KATNIP: variants seen among roughly 807,000 people sequenced by gnomAD.
KATNIP encodes katanin interacting protein, also known as katanin-interacting protein.
Under a neutral mutation model 174.0 loss-of-function variants are expected in KATNIP, and 126 were observed. The ratio of observed to expected loss-of-function variants is 0.72; its 90% CI spans 0.63 to 0.84. The LOEUF (loss-of-function observed/expected upper bound fraction) is 0.84. KATNIP is among the 40% of genes least tolerant of loss of function. The probability of loss-of-function intolerance (pLI) is 0.00; values close to 1 mark genes in which losing one functional copy is unlikely to be tolerated. For missense variants in KATNIP, 1,958 were observed against 2,109.7 expected (o/e 0.93, Z 1.41); for synonymous variants, 810 against 835.7 (o/e 0.97, Z 0.53).
intron 3 of KATNIP, 50 bp downstream of exon 3, chr16:27,618,551 C>A: frequency 1.5e-6 from 2 of 1,356,900 alleles, no homozygotes; most frequent in South Asian, 2.3e-5. Flanking sequence ...AAGTAAAAAT[C>A]TATTTAGATT....
intron 3 of KATNIP, among the ~76,000 whole-genome samples, chr16:27,620,452 C>T (rs994148847): frequency 2.6e-5 from 4 of 152,114 alleles, no homozygotes; most frequent in Middle Eastern, 3.2e-3. Flanking sequence ...GTGGAGGCTC[C>T]GAGCAGTGAG....
intron 2 of KATNIP, among the ~76,000 whole-genome samples, chr16:27,616,032 G>T (rs886793306): frequency 2.6e-5 from 4 of 152,126 alleles, no homozygotes; most frequent in Non-Finnish European, 5.9e-5. Flanking sequence ...CCAGTACCAA[G>T]CTGATATTGT....
intron 6 of KATNIP, among the ~76,000 whole-genome samples, chr16:27,653,089 A>G (rs569141564): frequency 6.6e-6 from 1 of 152,170 alleles, no homozygotes; most frequent in Non-Finnish European, 1.5e-5. Flanking sequence ...TTGTGAGTAG[A>G]TGGGTAGATA....
rs150515359 is a variant in KATNIP, at chr16:27,778,615, C to T, written c.4843C>T (p.Arg1615Ter). Reference protein sequence around the residue: ...KTCISEKETRRRRC With the variant: ...KTCISEKETR ...CTGCATCAGCGAGAAGGAGACGAGA[C>T]GACGGCGCTGCTGACTGGTGAAGGA... Residue 1615 changes from arginine to a stop codon, truncating the protein, a stop_gained, in exon 28 of 28, where the codon CGA (arginine) becomes TGA (stop). Transcript: ENST00000261588. LOFTEE classifies it high-confidence loss of function. The T allele has an allele frequency of 1.5e-5, 25 of 1,613,754 alleles. No homozygotes were observed. In the African/African-American group the frequency reaches 2.8e-4, roughly 18 times the overall value.
At chr16:27,571,078 G>T (rs575455461) in intron 1 of KATNIP, among the ~76,000 whole-genome samples, 1 of 152,320 alleles carries the variant, frequency 6.6e-6, no homozygotes, top group East Asian at 1.9e-4. Flanking sequence ...CTTTACCCAG[G>T]CTGGAGTCCA....
chr16:27,630,691 T>G (rs2076460102), intron 4 of KATNIP, among the ~76,000 whole-genome samples: 1 of 152,168 alleles, frequency 6.6e-6, no homozygotes. Context: ...CATTCATTCA[T>G]TCAGCAAAGA....
chr16:27,696,929 A>G (rs761455246), intron 8 of KATNIP, among the ~76,000 whole-genome samples: 1 of 152,010 alleles, frequency 6.6e-6, no homozygotes, highest in Admixed American at 6.6e-5. Context: ...GGGTTTCACC[A>G]TGTTGACCAG....
intron 13 of KATNIP, chr16:27,709,276 G>A (rs1437737016): frequency 3.1e-5 from 6 of 195,792 alleles, no homozygotes; most frequent in Admixed American, 1.1e-4. Context: ...AGCTGTGACT[G>A]TACCACTGTA....
At chr16:27,689,703 C>G (rs567381341) in intron 8 of KATNIP, among the ~76,000 whole-genome samples, 1 of 152,330 alleles carries the variant, frequency 6.6e-6, no homozygotes, top group African/African-American at 2.4e-5. Flanking sequence ...CCTGACAACC[C>G]ACCCCAAAAT....
Position 27,761,401 on chromosome 16 carries a change from T to C in KATNIP, c.3632-12T>C. ...CTCTGGTGCTAATGGGCCACTTCTC[T>C]TCCTGTTGCAGGCCTTCAGCTGAAT... On this transcript the variant is annotated splice_polypyrimidine_tract_variant and intron_variant, in intron 18 of 27. Transcript: ENST00000261588. The C allele has an allele frequency of 1.2e-6, 2 of 1,601,332 alleles. No individual in the cohort carries two copies. Among genetic ancestry groups the C allele is most frequent in the Non-Finnish European group, 1.7e-6 (2 of 1,173,332 alleles).
intron 14 of KATNIP, among the ~76,000 whole-genome samples, chr16:27,733,711 T>C (rs2080788619): frequency 6.6e-6 from 1 of 151,926 alleles, no homozygotes; most frequent in South Asian, 2.1e-4. Context: ...AGAAAGAGCC[T>C]GGGGTTAAAG....
At chr16:27,770,127 C>T (rs1358170083) in intron 21 of KATNIP, 109 bp downstream of exon 21, 7 of 1,248,878 alleles carry the variant, frequency 5.6e-6, no homozygotes, top group African/African-American at 4.5e-5. Flanking sequence ...GATGATCAAA[C>T]GCATTGCTTT....
intron 2 of KATNIP, among the ~76,000 whole-genome samples, chr16:27,578,660 C>T (rs1192158788): frequency 6.6e-6 from 1 of 152,172 alleles, no homozygotes. Context: ...TCACTGCAAC[C>T]TCCACCTCCC....
chr16:27,638,400 A>G (rs923233617), intron 5 of KATNIP, among the ~76,000 whole-genome samples: 4 of 152,130 alleles, frequency 2.6e-5, no homozygotes, highest in Non-Finnish European at 5.9e-5. Flanking sequence ...GTTAAGTCCA[A>G]AGTTTCTCCA....
intron 6 of KATNIP, among the ~76,000 whole-genome samples, chr16:27,665,454 C>G (rs567309086): frequency 1.3e-5 from 2 of 152,046 alleles, no homozygotes; most frequent in South Asian, 4.2e-4. Flanking sequence ...TGAAGAGGTG[C>G]TTTCTGCCAT....
intron 6 of KATNIP, among the ~76,000 whole-genome samples, chr16:27,673,967 C>T (rs1208433535): frequency 1.3e-5 from 2 of 152,068 alleles, no homozygotes; most frequent in Admixed American, 6.5e-5. Context: ...CTACTATGTG[C>T]CAGCCAGTGT....
intron 13 of KATNIP, among the ~76,000 whole-genome samples, chr16:27,714,016 C>T (rs1179626629): frequency 6.6e-6 from 1 of 151,288 alleles, no homozygotes; most frequent in East Asian, 2.0e-4. Flanking sequence ...CGCCTCACAC[C>T]CAGGCTCCAG....
intron 6 of KATNIP, among the ~76,000 whole-genome samples, chr16:27,655,138 A>G (rs901395266): frequency 6.1e-5 from 9 of 146,418 alleles, no homozygotes; most frequent in African/African-American, 2.3e-4. Flanking sequence ...CAAAACAAAT[A>G]TACAAACAAA....
At chr16:27,739,978 C>T (rs995605491) in intron 14 of KATNIP, 63 bp from the exon 15 acceptor site, 12 of 1,523,772 alleles carry the variant, frequency 7.9e-6, no homozygotes, top group Non-Finnish European at 9.7e-6. Flanking sequence ...TCTTCGACTT[C>T]CAAAATTTCA....
Sources: allele counts gnomAD v4.1 joint callset (sites outside exome capture counted in the v4.1 genomes callset), GRCh38; gene constraint gnomAD v4.1.1; transcripts MANE v1.5; gene names NCBI Gene and HGNC (gene_info 2026-07-23, HGNC 2026-07-21).